The following PLEKHG1 variants were observed in gnomAD, a reference collection of about 807,000 sequenced individuals.
PLEKHG1 encodes the protein pleckstrin homology domain-containing family G member 1.
A neutral mutation model predicts 100.8 loss-of-function variants in PLEKHG1; 44 were observed. That is an observed-to-expected ratio of 0.44 (90% CI 0.34 to 0.56). The LOEUF (loss-of-function observed/expected upper bound fraction) is 0.56, where lower values mean the gene tolerates loss of function less well. PLEKHG1 is among the 20% of genes least tolerant of loss of function. The pLI, the probability that PLEKHG1 is intolerant of heterozygous loss-of-function variation, is 0.01. For synonymous variants in PLEKHG1, 640 were observed against 662.5 expected, an observed-to-expected ratio of 0.97 and a Z score of 0.52; for missense variants, 1,545 against 1,720.9, an observed-to-expected ratio of 0.90 and a Z score of 1.81.
At chr6:150,661,297 T>G (rs1443652943) in intron 3 of PLEKHG1, among the ~76,000 whole-genome samples, 1 of 152,218 alleles carries the variant, frequency 6.6e-6, no homozygotes, top group African/African-American at 2.4e-5. Flanking sequence ...TTAAGAATAT[T>G]TGAACCTTCA....
intron 3 of PLEKHG1, among the ~76,000 whole-genome samples, chr6:150,665,500 C>T (rs1171603104): frequency 5.3e-5 from 8 of 151,920 alleles, no homozygotes; most frequent in African/African-American, 9.7e-5. Context: ...CATGGTGGCA[C>T]GTGCCTGTAG....
At chr6:150,682,967 G>T (rs553329711) in intron 3 of PLEKHG1, among the ~76,000 whole-genome samples, 1 of 152,182 alleles carries the variant, frequency 6.6e-6, no homozygotes, top group Non-Finnish European at 1.5e-5. Context: ...CCTCCCTGAC[G>T]TTATAGTAGG....
intron 3 of PLEKHG1, among the ~76,000 whole-genome samples, chr6:150,671,666 A>G (rs901752748): frequency 6.6e-6 from 1 of 152,206 alleles, no homozygotes; most frequent in Non-Finnish European, 1.5e-5. Context: ...AACCCCAAGT[A>G]TATTATTTTA....
chr6:150,718,138 C>T (rs1177045721), upstream of PLEKHG1, among the ~76,000 whole-genome samples: 1 of 152,086 alleles, frequency 6.6e-6, no homozygotes, highest in Non-Finnish European at 1.5e-5. Context: ...TCTTTTCACC[C>T]AGTGTTAGTA....
chr6:150,796,278 C>T (rs768990446), intron 5 of PLEKHG1, among the ~76,000 whole-genome samples: 1 of 152,162 alleles, frequency 6.6e-6, no homozygotes, highest in African/African-American at 2.4e-5. Flanking sequence ...TTTCTATAAT[C>T]TAGATGGGGA....
Position 150,748,615 on chromosome 6 carries a change from C to CT in PLEKHG1, c.411+14544dup, listed in dbSNP as rs746682669. Reference sequence around the variant, plus strand: ...CTGGCTCTCACTTACTACCTTTGACCTTTTTTTTTTTTTTTTTTTTTGAGA... The same window carrying CT: ...CTGGCTCTCACTTACTACCTTTGACCTTTTTTTTTTTTTTTTTTTTTTGAGA... On this transcript the variant is annotated intron_variant, in intron 2 of 15. Transcript: ENST00000358517. Among the ~76,000 whole-genome samples the CT allele has an allele frequency of 8.7e-3, 1,028 of 118,158 alleles. 10 individuals are homozygous for CT. Among genetic ancestry groups the CT allele is most frequent in the South Asian group, 0.016 (57 of 3,518 alleles). The allele number at this position is 118,158 out of a possible 152,430, so 77.5% of individuals were successfully genotyped here. A position where few individuals can be genotyped will look rare whatever the true frequency, so the allele number is the denominator to read the frequency against.
chr6:150,771,795 A>G (rs79568952), intron 3 of PLEKHG1, among the ~76,000 whole-genome samples: 7,527 of 152,190 alleles, frequency 0.049, 380 homozygotes, highest in East Asian at 0.23. Flanking sequence ...CTTAAATCTA[A>G]AATTAAAGAG....
intron 3 of PLEKHG1, among the ~76,000 whole-genome samples, chr6:150,782,043 G>A (rs1415103097): frequency 6.6e-6 from 1 of 151,974 alleles, no homozygotes; most frequent in Non-Finnish European, 1.5e-5. Flanking sequence ...CTCCCAAAGT[G>A]CTGGGATTAC....
At chr6:150,666,888 G>C (rs551431624) in intron 3 of PLEKHG1, among the ~76,000 whole-genome samples, 6 of 151,856 alleles carry the variant, frequency 4.0e-5, no homozygotes, top group African/African-American at 1.4e-4. Flanking sequence ...AGCCTCCCAA[G>C]TAGCTGGGAC....
rs189176278 is a variant in PLEKHG1, at chr6:150,640,261, A to G, written c.-158+2136A>G. ...TGACTCTCCTAAATGACTTAATTAT[A>G]ATTTTCCCAACTCTTCCCAAATGCG... On this transcript the variant is annotated intron_variant, in intron 2 of 3. Transcript: ENST00000367326. Among the ~76,000 whole-genome samples the G allele has an allele frequency of 2.4e-3, 373 of 152,306 alleles. 1 individual carries two copies. The highest frequency in any genetic ancestry group is 4.3e-3 in the Non-Finnish European group (294 of 68,022).
chr6:150,670,975 T>C (rs921941910), intron 3 of PLEKHG1, among the ~76,000 whole-genome samples: 1 of 149,862 alleles, frequency 6.7e-6, no homozygotes, highest in African/African-American at 2.5e-5. Context: ...GAACATACAA[T>C]GTTTGGTTTT....
At position 150,828,273 on chromosome 6, in the gene PLEKHG1, A is replaced by G; in HGVS notation, c.1471-2309A>G. On this transcript the variant is annotated intron_variant, in intron 14 of 15. Coordinates refer to ENST00000358517, the Ensembl canonical transcript of PLEKHG1. ...AATGGAAACTGTCTGAATCTGGAGC[A>G]ATTACGACAGACCTGGAGGAAAACC... 4 of 1,613,050 alleles carry G rather than the reference A, an allele frequency of 2.5e-6. No individual in the cohort carries two copies. In the South Asian group the frequency reaches 4.4e-5, roughly 18 times the overall value.
chr6:150,815,106 T>C (rs1187703046), intron 10 of PLEKHG1, among the ~76,000 whole-genome samples: 2 of 152,252 alleles, frequency 1.3e-5, no homozygotes, highest in Admixed American at 1.3e-4. Flanking sequence ...AAAGTGAACT[T>C]TCCACATCTT....
chr6:150,713,444 C>T (rs1781310958), intron 3 of PLEKHG1, among the ~76,000 whole-genome samples: 1 of 152,070 alleles, frequency 6.6e-6, no homozygotes, highest in African/African-American at 2.4e-5. Flanking sequence ...TGCAAACCAC[C>T]CACGTCAGTT....
intron 2 of PLEKHG1, among the ~76,000 whole-genome samples, chr6:150,742,931 C>G (rs2034532943): frequency 1.3e-5 from 2 of 152,110 alleles, no homozygotes; most frequent in East Asian, 3.9e-4. Flanking sequence ...CTGAGGTTGC[C>G]ATCCCAGTCA....
chr6:150,691,034 TG>T (rs1780332048), intron 3 of PLEKHG1, among the ~76,000 whole-genome samples: 1 of 152,218 alleles, frequency 6.6e-6, no homozygotes, highest in African/African-American at 2.4e-5. Context: ...AAATCCACCA[TG>T]GCGGTTGTCC....
At chr6:150,830,877 A>G (rs1776881001) in exon 15 of PLEKHG1, 1 of 1,614,078 alleles carries the variant, frequency 6.2e-7, no homozygotes, top group Non-Finnish European at 8.5e-7. Context: ...TGCAGCTGGC[A>G]TATGGGACAG....
intron 11 of PLEKHG1, 101 bp downstream of exon 12, chr6:150,818,317 T>C: frequency 1.1e-6 from 1 of 907,806 alleles, no homozygotes; most frequent in African/African-American, 1.6e-5. Flanking sequence ...TGTTAGAAAA[T>C]AGTATCTCTC....
intron 5 of PLEKHG1, among the ~76,000 whole-genome samples, chr6:150,799,676 T>C (rs1262872307): frequency 6.6e-6 from 1 of 152,170 alleles, no homozygotes; most frequent in African/African-American, 2.4e-5. Context: ...AATAAATCAG[T>C]GTGAATAGAT....
Sources: gnomAD v4.1 joint callset for allele counts (sites outside exome capture counted in the v4.1 genomes callset) on GRCh38, gnomAD v4.1.1 for gene constraint, MANE v1.5 for transcripts, NCBI Gene and HGNC (gene_info 2026-07-23, HGNC 2026-07-21) for gene names.